Variants in ROBO2 observed in about 807,000 individuals in gnomAD.
ROBO2 encodes the protein roundabout guidance receptor 2.
ROBO2 carries 53 observed loss-of-function variants against 160.8 expected under a neutral mutation model. That is an observed-to-expected ratio of 0.33 (90% CI 0.26 to 0.41). The LOEUF (loss-of-function observed/expected upper bound fraction) is 0.41. Ranked by LOEUF, ROBO2 falls within the 10% of genes least tolerant of loss-of-function variation. ROBO2 has a pLI of 1.00. For missense variants in ROBO2, 1,577 were observed against 1,722.4 expected (o/e 0.92, Z 1.49); for synonymous variants, 664 against 611.7 (o/e 1.09, Z -1.26).
In ROBO2 at chr3:76,127,597, A is replaced by AAAAATATATATAT. The variant is rs879328622; in HGVS notation, c.109+189996_109+189997insAAATATATATATA. 2.5e-5 allele frequency among the ~76,000 whole-genome samples: 3 copies of AAAAATATATATAT among 118,336 alleles called. No individual in the cohort carries two copies. The Admixed American group carries it at 2.7e-4, about 11-fold the overall frequency. 77.6% of individuals were successfully genotyped at this position (118,336 alleles called of 152,430 possible). On this transcript the variant is annotated intron_variant, in intron 2 of 26. Coordinates refer to the ROBO2 transcript ENST00000487694. Reference sequence around the variant, plus strand: ...GTGCTTTCTCTATATGGTTTGAAAAAATATATATATATATATACATATACT... The same window carrying AAAAATATATATAT: ...GTGCTTTCTCTATATGGTTTGAAAAAAAAATATATATATATATATATATATATATACATATACT...
At chr3:77,259,334 G>A (rs12630067) in intron 2 of ROBO2, among the ~76,000 whole-genome samples, 1,877 of 152,268 alleles carry the variant, frequency 0.012, 80 homozygotes, top group South Asian at 0.091. Flanking sequence ...TAGAAGTTGC[G>A]AATTTGTTTT....
At chr3:77,274,397 G>GT (rs2059693228) in intron 2 of ROBO2, among the ~76,000 whole-genome samples, 1 of 151,938 alleles carries the variant, frequency 6.6e-6, no homozygotes, top group Admixed American at 6.6e-5. Context: ...TGTACATATC[G>GT]TAAGAATGTT....
intron 2 of ROBO2, among the ~76,000 whole-genome samples, chr3:76,539,887 A>C (rs914066756): frequency 6.6e-6 from 1 of 152,228 alleles, no homozygotes; most frequent in Non-Finnish European, 1.5e-5. Context: ...CATTCATGCA[A>C]ATGTCCAGCT....
At chr3:76,229,220 G>T (rs1704473841) in intron 2 of ROBO2, among the ~76,000 whole-genome samples, 1 of 151,848 alleles carries the variant, frequency 6.6e-6, no homozygotes, top group Admixed American at 6.6e-5. Flanking sequence ...TCTTATTCTT[G>T]TATCTTTATC....
At chr3:75,931,272 CTT>C (rs1350454595) in intron 1 of ROBO2, among the ~76,000 whole-genome samples, 1 of 152,170 alleles carries the variant, frequency 6.6e-6, no homozygotes, top group Non-Finnish European at 1.5e-5. Flanking sequence ...AAAGCTAACT[CTT>C]TTTATTCTCA....
chr3:76,078,741 GAA>G (rs79438038), intron 2 of ROBO2, among the ~76,000 whole-genome samples: 4 of 151,084 alleles, frequency 2.6e-5, no homozygotes, highest in African/African-American at 7.3e-5. Flanking sequence ...TTAAAAATTA[GAA>G]AAAAAAAGCT....
At chr3:77,069,346 A>T (rs190799969) in intron 1 of ROBO2, among the ~76,000 whole-genome samples, 1 of 152,180 alleles carries the variant, frequency 6.6e-6, no homozygotes, top group African/African-American at 2.4e-5. Flanking sequence ...TTGGCAAAGA[A>T]GTCGATTGGG....
At chr3:76,891,393 T>G (rs1316491987) in intron 2 of ROBO2, among the ~76,000 whole-genome samples, 1 of 152,320 alleles carries the variant, frequency 6.6e-6, no homozygotes, top group Admixed American at 6.5e-5. Flanking sequence ...TAAAAATCTA[T>G]GCAAAACCAT....
chr3:76,973,519 T>C (rs910364639), intron 2 of ROBO2, among the ~76,000 whole-genome samples: 13 of 152,066 alleles, frequency 8.5e-5, no homozygotes, highest in Non-Finnish European at 1.8e-4. Flanking sequence ...AATAATATAA[T>C]CAACCACTAC....
intron 2 of ROBO2, among the ~76,000 whole-genome samples, chr3:75,937,841 TTATATATATATATATATA>T (rs1158457510): frequency 3.8e-5 from 4 of 105,526 alleles, no homozygotes; most frequent in Non-Finnish European, 5.5e-5. Flanking sequence ...GGAATTGATT[TTATATATATATATATATA>T]TATATATATA....
intron 2 of ROBO2, among the ~76,000 whole-genome samples, chr3:77,465,534 G>A (rs369981353): frequency 3.9e-5 from 6 of 152,232 alleles, no homozygotes; most frequent in Non-Finnish European, 8.8e-5. Context: ...TCTTACTGCT[G>A]AGCACATACT....
chr3:76,348,281 A>G (rs1473437357), intron 2 of ROBO2, among the ~76,000 whole-genome samples: 1 of 152,128 alleles, frequency 6.6e-6, no homozygotes, highest in Non-Finnish European at 1.5e-5. Context: ...GGAGGCAAGT[A>G]ATTGTTGGGA....
chr3:76,064,529 A>T lies in ROBO2; in HGVS notation c.109+126927A>T, dbSNP rs9811045. Among the ~76,000 whole-genome samples the T allele has an allele frequency of 6.6e-3, 1,001 of 152,304 alleles. 19 individuals carry two copies. The highest frequency in any genetic ancestry group is 0.022 in the African/African-American group (934 of 41,560). The stretch of plus-strand genomic sequence containing the variant: ...TGATGACCAAATTTAAAGGCAAATT[A>T]TCGGTGATTTGAAATCTTTCTGAAT... On this transcript the variant is annotated intron_variant, in intron 2 of 26. Transcript: ENST00000487694.
intron 2 of ROBO2, among the ~76,000 whole-genome samples, chr3:76,278,064 G>C (rs1193179756): frequency 6.6e-6 from 1 of 151,740 alleles, no homozygotes; most frequent in East Asian, 1.9e-4. Context: ...GAGGTAAACG[G>C]TGAAATGCAA....
intron 2 of ROBO2, among the ~76,000 whole-genome samples, chr3:76,400,177 CT>C (rs1161346960): frequency 2.0e-5 from 3 of 151,584 alleles, no homozygotes; most frequent in African/African-American, 7.3e-5. Context: ...TTCTGGAATA[CT>C]TAAAATTGAA....
At chr3:77,434,191 C>CT (rs2079065949) in intron 2 of ROBO2, among the ~76,000 whole-genome samples, 1 of 152,074 alleles carries the variant, frequency 6.6e-6, no homozygotes, top group Non-Finnish European at 1.5e-5. Context: ...TGTTCTCCTT[C>CT]TTGCCTTTGA....
intron 2 of ROBO2, among the ~76,000 whole-genome samples, chr3:77,217,910 A>G (rs978086110): frequency 6.6e-6 from 1 of 152,252 alleles, no homozygotes; most frequent in African/African-American, 2.4e-5. Context: ...AATATTACAG[A>G]CAGGAGTAGT....
chr3:76,478,292 T>C (rs2107259159), intron 2 of ROBO2, among the ~76,000 whole-genome samples: 1 of 151,066 alleles, frequency 6.6e-6, no homozygotes, highest in Admixed American at 6.6e-5. Flanking sequence ...GCTTTTTTGT[T>C]CTTGCGATAG....
At chr3:77,473,748 G>A (rs1560936473) in intron 2 of ROBO2, among the ~76,000 whole-genome samples, 1 of 152,046 alleles carries the variant, frequency 6.6e-6, no homozygotes, top group Admixed American at 6.5e-5. Flanking sequence ...GAGCCACCGC[G>A]CCTGGCTGCA....
Sources: allele counts gnomAD v4.1 joint callset (sites outside exome capture counted in the v4.1 genomes callset), GRCh38; gene constraint gnomAD v4.1.1; transcripts MANE v1.5; gene names NCBI Gene and HGNC (gene_info 2026-07-23, HGNC 2026-07-21).